MYO5B: variants seen among roughly 807,000 people sequenced by gnomAD.
MYO5B encodes unconventional myosin-Vb.
Under a neutral mutation model 229.3 loss-of-function variants are expected in MYO5B, and 143 were observed. The observed-to-expected ratio is 0.62, with a 90% CI of 0.54 to 0.72. MYO5B has a LOEUF of 0.72. Among genes scored for constraint, MYO5B ranks in the 30% least tolerant of loss-of-function variants. The pLI, the probability that MYO5B is intolerant of heterozygous loss-of-function variation, is 0.00. For missense variants in MYO5B, 2,321 were observed against 2,331.0 expected (o/e 1.00, Z 0.09); for synonymous variants, 918 against 885.2 (o/e 1.04, Z -0.66).
At chr18:50,003,213 T>G (rs2026066926) in intron 4 of MYO5B, among the ~76,000 whole-genome samples, 1 of 152,168 alleles carries the variant, frequency 6.6e-6, no homozygotes, top group Non-Finnish European at 1.5e-5. Context: ...GGGATGGACC[T>G]GAGTGGATGT....
chr18:50,145,280 G>C (rs919776765), intron 1 of MYO5B, among the ~76,000 whole-genome samples: 1 of 152,020 alleles, frequency 6.6e-6, no homozygotes, highest in African/African-American at 2.4e-5. Flanking sequence ...GAGGTCAGGA[G>C]ATCAAGACCA....
chr18:49,958,787 G>A (rs191238019), intron 12 of MYO5B, among the ~76,000 whole-genome samples: 5 of 152,208 alleles, frequency 3.3e-5, no homozygotes, highest in African/African-American at 7.2e-5. Context: ...AGGGACTCAC[G>A]GAGGCCCTCT....
intron 1 of MYO5B, among the ~76,000 whole-genome samples, chr18:50,135,982 T>C (rs1476012247): frequency 6.6e-6 from 1 of 152,228 alleles, no homozygotes. Flanking sequence ...ATCATCCTAT[T>C]TGACAGGTGA....
At chr18:50,024,360 TCC>T (rs1491036892) in intron 4 of MYO5B, among the ~76,000 whole-genome samples, 2 of 106,372 alleles carry the variant, frequency 1.9e-5, no homozygotes. Context: ...AGCAGAGAAG[TCC>T]TGGGTGCTGG....
chr18:49,848,333 G>T (rs541516343), intron 32 of MYO5B, among the ~76,000 whole-genome samples: 31 of 152,138 alleles, frequency 2.0e-4, no homozygotes, highest in African/African-American at 7.5e-4. Context: ...GGTGGGGCTG[G>T]AAGGACCCCA....
intron 1 of MYO5B, among the ~76,000 whole-genome samples, chr18:50,147,908 T>C (rs2032531187): frequency 1.3e-5 from 2 of 151,726 alleles, no homozygotes; most frequent in African/African-American, 4.8e-5. Flanking sequence ...ATGTGAAAAA[T>C]GGGGCAGTGG....
intron 1 of MYO5B, among the ~76,000 whole-genome samples, chr18:50,155,752 G>A (rs2032668539): frequency 6.6e-6 from 1 of 152,190 alleles, no homozygotes; most frequent in Admixed American, 6.5e-5. Context: ...TTCTCTTTCT[G>A]ATCGGTTAGT....
At chr18:49,901,114 T>C (rs955815991) in intron 21 of MYO5B, among the ~76,000 whole-genome samples, 8 of 152,204 alleles carry the variant, frequency 5.3e-5, no homozygotes, top group Non-Finnish European at 1.0e-4. Flanking sequence ...TGGCAGGTGC[T>C]TGGAAAATCC....
At chr18:49,864,493 CG>C (rs2024373917) in intron 27 of MYO5B, 113 bp from the exon 28 acceptor site, 15 of 1,438,922 alleles carry the variant, frequency 1.0e-5, no homozygotes, top group Non-Finnish European at 1.0e-5. Flanking sequence ...GCTCTTTAAA[CG>C]TTGACACACA....
At chr18:49,834,218 T>C (rs1216753118) in intron 39 of MYO5B, among the ~76,000 whole-genome samples, 1 of 152,350 alleles carries the variant, frequency 6.6e-6, no homozygotes, top group East Asian at 1.9e-4. Context: ...CAAAGCTCCA[T>C]GTTTCCTCAC....
chr18:49,843,383 G>A lies in MYO5B; in HGVS notation c.4469C>T (p.Pro1490Leu). Residue 1490 changes from proline to leucine, a missense_variant, in exon 34 of 40, where the codon CCC becomes CTC. Transcript: ENST00000285039. Reference protein sequence around the residue: ...LIRNLVTDLKPQMLSGTVPCL... With the variant: ...LIRNLVTDLKLQMLSGTVPCL... ...GGGCACTGTGCCCGACAGCATCTGG[G>A]GCTTCAAGTCTAAGGGCAACGAGAG... is the stretch of plus-strand genomic sequence containing the variant. 1 of 1,614,148 alleles carries A rather than the reference G, an allele frequency of 6.2e-7. No homozygotes were observed. The highest frequency in any genetic ancestry group is 8.5e-7 in the Non-Finnish European group (1 of 1,180,028).
At chr18:49,984,975 C>G in intron 7 of MYO5B, 150 bp from the exon 8 acceptor site, 1 of 687,680 alleles carries the variant, frequency 1.5e-6, no homozygotes, top group African/African-American at 1.8e-5. Context: ...TAGTCTTTAT[C>G]CACAACGGCA....
chr18:50,124,454 C>T (rs1469320616), intron 1 of MYO5B, among the ~76,000 whole-genome samples: 1 of 152,052 alleles, frequency 6.6e-6, no homozygotes, highest in Non-Finnish European at 1.5e-5. Flanking sequence ...TGGGAGTCAT[C>T]GTTCTGCTCT....
At position 49,973,205 on chromosome 18, in the gene MYO5B, T is replaced by C. The variant is rs181828764; in HGVS notation, c.1322+1145A>G. On this transcript the variant is annotated intron_variant, in intron 10 of 39. Transcript: ENST00000285039. ...CTCCTTCAGCATCTTCCTGAGGCCTTTGTGATGTCAGAAATCACAAAGATT... is the reference window on the plus strand; with the variant it reads ...CTCCTTCAGCATCTTCCTGAGGCCTCTGTGATGTCAGAAATCACAAAGATT... 2.9e-3 allele frequency among the ~76,000 whole-genome samples: 439 copies of C among 152,302 alleles called. 3 individuals carry two copies. The highest frequency in any genetic ancestry group is 5.1e-3 in the Non-Finnish European group (344 of 68,036).
intron 1 of MYO5B, among the ~76,000 whole-genome samples, chr18:50,080,335 G>C (rs913597492): frequency 3.3e-5 from 5 of 152,174 alleles, no homozygotes; most frequent in Non-Finnish European, 7.3e-5. Context: ...GCGGGGAGGT[G>C]CTGCCCTCAC....
At chr18:50,172,188 G>C (rs988129137) in intron 1 of MYO5B, among the ~76,000 whole-genome samples, 7 of 150,544 alleles carry the variant, frequency 4.6e-5, no homozygotes, top group African/African-American at 1.7e-4. Flanking sequence ...GGCTGAAGGG[G>C]AAGGATCACT....
chr18:49,883,449 C>T (rs2024610101), intron 22 of MYO5B, among the ~76,000 whole-genome samples: 1 of 152,040 alleles, frequency 6.6e-6, no homozygotes, highest in African/African-American at 2.4e-5. Context: ...AAAATTCATA[C>T]TCGGTAAATG....
intron 19 of MYO5B, among the ~76,000 whole-genome samples, chr18:49,905,877 AG>A (rs1361874815): frequency 6.6e-6 from 1 of 152,116 alleles, no homozygotes; most frequent in Non-Finnish European, 1.5e-5. Context: ...GGGGGCAGGC[AG>A]GGGAGGCTGA....
chr18:50,139,901 A>G (rs1326206754), intron 1 of MYO5B, among the ~76,000 whole-genome samples: 4 of 152,234 alleles, frequency 2.6e-5, no homozygotes, highest in Non-Finnish European at 5.9e-5. Flanking sequence ...AGTGTAGTCT[A>G]CACATAAATA....
Sources: allele counts gnomAD v4.1 joint callset (sites outside exome capture counted in the v4.1 genomes callset), GRCh38; gene constraint gnomAD v4.1.1; transcripts MANE v1.5; gene names NCBI Gene and HGNC (gene_info 2026-07-23, HGNC 2026-07-21).